SORL1: variants seen among roughly 807,000 people sequenced by gnomAD.
SORL1 encodes sortilin-related receptor.
SORL1 carries 127 observed loss-of-function variants against 273.7 expected under a neutral mutation model. That is an observed-to-expected ratio of 0.46 (90% confidence interval 0.40 to 0.54). SORL1 has a LOEUF of 0.54. Ranked by LOEUF, SORL1 falls within the 20% of genes least tolerant of loss-of-function variation. SORL1 has a pLI of 0.00. For synonymous variants in SORL1, 1,031 were observed against 1,067.4 expected (o/e 0.97, Z 0.66); for missense variants, 2,494 against 2,846.1 (o/e 0.88, Z 2.81).
intron 35 of SORL1, among the ~76,000 whole-genome samples, chr11:121,605,912 A>G (rs533472594): frequency 1.2e-3 from 180 of 152,242 alleles, no homozygotes; most frequent in Non-Finnish European, 2.4e-3. Context: ...CATATCAGCA[A>G]TTTTGTGGCT....
chr11:121,465,444 A>G (rs1162885246), intron 1 of SORL1, among the ~76,000 whole-genome samples: 1 of 152,056 alleles, frequency 6.6e-6, no homozygotes, highest in East Asian at 1.9e-4. Flanking sequence ...ATTTAGTTCC[A>G]ACTCCTGCCA....
rs528358757 is a variant in SORL1 at position 121,595,323 on chromosome 11, T to C, written c.4370-300T>C. Among the ~76,000 whole-genome samples the C allele has an allele frequency of 6.6e-6, 1 of 152,354 alleles. No homozygotes were observed. Among genetic ancestry groups the C allele is most frequent in the Non-Finnish European group, 1.5e-5 (1 of 68,026 alleles). On this transcript the variant is annotated intron_variant, in intron 31 of 47. Transcript: ENST00000260197. This position sits in a 1 kb window ranked among gnomAD's most constrained non-coding sequence, Gnocchi z 5.1. ...GCTTAGGGTAGGACGCAGCCTTCGC[T>C]GGCCTCTTTAGTCACATACCGCTAT...
At position 121,612,841 on chromosome 11, in the gene SORL1, T is replaced by C. The variant is rs1463304574; in HGVS notation, c.5419+9T>C. On this transcript the variant is annotated intron_variant, in intron 40 of 47. Transcript: ENST00000260197. ...CATATTGTCACACAAAGGTAACACT[T>C]TGGTGCTGGTCAGTGTGTGTGCAGG... The C allele has an allele frequency of 6.3e-7, 1 of 1,597,140 alleles. No individual in the cohort carries two copies. Among genetic ancestry groups the C allele is most frequent in the East Asian group, 2.2e-5 (1 of 44,776 alleles).
At chr11:121,615,431 A>ATC (rs1863626158) in intron 41 of SORL1, among the ~76,000 whole-genome samples, 1 of 151,772 alleles carries the variant, frequency 6.6e-6, no homozygotes, top group Admixed American at 6.6e-5. Flanking sequence ...TCTATAGTTG[A>ATC]TCTCTCTCCC....
intron 1 of SORL1, among the ~76,000 whole-genome samples, chr11:121,467,745 C>G (rs77840763): frequency 2.6e-5 from 4 of 152,208 alleles, no homozygotes; most frequent in African/African-American, 9.6e-5. Context: ...CTTCAGCGAC[C>G]GGAGGAGATT....
intron 18 of SORL1, 125 bp from the exon 19 acceptor site, chr11:121,557,189 G>A (rs572610422): frequency 6.9e-5 from 52 of 757,784 alleles, no homozygotes; most frequent in Middle Eastern, 2.5e-4. Flanking sequence ...GATGGGTCAG[G>A]TCAGGGAAAT....
At chr11:121,588,763 G>A (rs1454118288) in intron 28 of SORL1, among the ~76,000 whole-genome samples, 1 of 152,278 alleles carries the variant, frequency 6.6e-6, no homozygotes, top group Admixed American at 6.5e-5. Context: ...CAAGATCAAG[G>A]TGTCGGCAGG....
intron 3 of SORL1, 134 bp downstream of exon 3, chr11:121,478,377 G>A (rs1861314709): frequency 1.9e-6 from 2 of 1,063,102 alleles, no homozygotes; most frequent in Admixed American, 2.8e-5. Flanking sequence ...GTGAGTTTTT[G>A]TGCTAACCTG....
At chr11:121,575,851 A>C (rs566591832) in intron 24 of SORL1, among the ~76,000 whole-genome samples, 123 of 152,322 alleles carry the variant, frequency 8.1e-4, no homozygotes, top group Middle Eastern at 6.8e-3. Flanking sequence ...GAGCTCACGT[A>C]CTGGGTACAT....
intron 1 of SORL1, among the ~76,000 whole-genome samples, chr11:121,461,277 GA>G (rs1229832330): frequency 6.6e-6 from 1 of 152,176 alleles, no homozygotes; most frequent in Non-Finnish European, 1.5e-5. Context: ...GCTGGAGGGG[GA>G]CGGTTACTGC....
intron 14 of SORL1, among the ~76,000 whole-genome samples, chr11:121,546,193 C>T (rs1591320823): frequency 1.3e-5 from 2 of 152,014 alleles, no homozygotes; most frequent in African/African-American, 4.8e-5. Flanking sequence ...ATGGGGATGA[C>T]AATTGGAGAT....
intron 1 of SORL1, among the ~76,000 whole-genome samples, chr11:121,463,179 T>C (rs1861029136): frequency 6.6e-6 from 1 of 152,228 alleles, no homozygotes; most frequent in Non-Finnish European, 1.5e-5. Flanking sequence ...AAAGTCTGTC[T>C]CTGAGCTTAA....
chr11:121,613,028 GC>G (rs1456606932), intron 40 of SORL1, among the ~76,000 whole-genome samples, 196 bp downstream of exon 40: 1 of 152,206 alleles, frequency 6.6e-6, no homozygotes, highest in African/African-American at 2.4e-5. Context: ...TCACTCAGTG[GC>G]CCCTCGAGCC....
rs923441330 is a variant in SORL1, at chr11:121,596,817, G to A, written c.4519+1045G>A. ...CCTCAGTTCCTCCACTTTGATCCCT[G>A]TTCTGGTCCCATTTTTTTTTTAATC... On this transcript the variant is annotated intron_variant, in intron 32 of 47. Coordinates refer to ENST00000260197, the MANE Select transcript of SORL1 (RefSeq NM_003105.6). This position sits in a 1 kb window ranked among gnomAD's most constrained non-coding sequence, Gnocchi z 4.3. Among the ~76,000 whole-genome samples, 1 of 151,930 alleles carries A rather than the reference G, an allele frequency of 6.6e-6. No homozygotes were observed. The highest frequency in any genetic ancestry group is 1.5e-5 in the Non-Finnish European group (1 of 68,000).
intron 14 of SORL1, among the ~76,000 whole-genome samples, chr11:121,546,547 A>G (rs960143104): frequency 3.3e-5 from 5 of 152,168 alleles, no homozygotes; most frequent in African/African-American, 1.2e-4. Flanking sequence ...GCACAGAGGA[A>G]CTAGATTTTG....
Position 121,619,893 on chromosome 11 carries a change from G to A in SORL1, c.5865G>A (p.Pro1955=), listed in dbSNP as rs761817812. 42 of 1,612,944 alleles carry A rather than the reference G, an allele frequency of 2.6e-5. No homozygotes were observed. The African/African-American group carries it at 3.2e-4, about 12-fold the overall frequency. ...KTSVVIKWES[P]YDSPDQDLLY... ...CCGTGGTCATCAAGTGGGAATCACC[G>A]TATGACTCTCCTGACCAGGACTTGG... is the stretch of plus-strand genomic sequence containing the variant. The change falls in exon 43 of 48, where the codon CCG becomes CCA. Residue 1955 remains proline (P), a synonymous_variant. Transcript: ENST00000260197.
chr11:121,506,235 C>A (rs1415669702), intron 6 of SORL1, among the ~76,000 whole-genome samples: 1 of 152,072 alleles, frequency 6.6e-6, no homozygotes, highest in Non-Finnish European at 1.5e-5. Context: ...GTCTTAAATT[C>A]TATTTTGCCT....
chr11:121,549,167 A>G (rs1862473086), intron 14 of SORL1, among the ~76,000 whole-genome samples: 1 of 152,210 alleles, frequency 6.6e-6, no homozygotes, highest in Non-Finnish European at 1.5e-5. Flanking sequence ...CTCAAAGTAC[A>G]GGGTGACTTA....
chr11:121,599,173 C>T (rs990723391), intron 32 of SORL1, among the ~76,000 whole-genome samples: 1 of 152,084 alleles, frequency 6.6e-6, no homozygotes, highest in African/African-American at 2.4e-5. Flanking sequence ...AACCCAAGAA[C>T]CAAAAAGATT....
Sources: gnomAD v4.1 joint callset for allele counts (sites outside exome capture counted in the v4.1 genomes callset) on GRCh38, gnomAD v4.1.1 for gene constraint, Gnocchi (gnomAD v3.1) non-coding constraint, MANE v1.5 for transcripts, NCBI Gene and HGNC (gene_info 2026-07-23, HGNC 2026-07-21) for gene names.